Variants in RPH3A observed in about 807,000 individuals in gnomAD.
RPH3A encodes rabphilin-3A.
Under a neutral mutation model 102.2 loss-of-function variants are expected in RPH3A, and 48 were observed. The ratio of observed to expected loss-of-function variants is 0.47; its 90% CI spans 0.37 to 0.60. The LOEUF (loss-of-function observed/expected upper bound fraction) is 0.60, where lower values mean the gene tolerates loss of function less well. Ranked by LOEUF, RPH3A falls within the 20% of genes least tolerant of loss-of-function variation. The pLI, the probability that RPH3A is intolerant of heterozygous loss-of-function variation, is 0.00. For missense variants in RPH3A, 781 were observed against 910.1 expected (o/e 0.86, Z 1.83); for synonymous variants, 310 against 324.3 (o/e 0.96, Z 0.47).
At chr12:112,648,094 TGAG>T (rs1225129638) in intron 1 of RPH3A, among the ~76,000 whole-genome samples, 1 of 152,180 alleles carries the variant, frequency 6.6e-6, no homozygotes, top group African/African-American at 2.4e-5. Context: ...AAAATACAGT[TGAG>T]GAGACAGATG....
chr12:112,679,960 A>G (rs1291557906), intron 1 of RPH3A, among the ~76,000 whole-genome samples: 3 of 152,230 alleles, frequency 2.0e-5, no homozygotes, highest in African/African-American at 7.2e-5. Context: ...GCTGTCAGGG[A>G]AACCTGAGAT....
At chr12:112,602,945 C>A (rs1659191369) in intron 1 of RPH3A, among the ~76,000 whole-genome samples, 2 of 151,986 alleles carry the variant, frequency 1.3e-5, no homozygotes, top group Non-Finnish European at 1.5e-5. Context: ...GATATGGGAG[C>A]TATTGGAAAG....
At chr12:112,861,492 C>G (rs140418796) in intron 5 of RPH3A, among the ~76,000 whole-genome samples, 7 of 152,142 alleles carry the variant, frequency 4.6e-5, no homozygotes, top group African/African-American at 1.7e-4. Context: ...CTGTTCAAGG[C>G]GATCCCCGTG....
At position 112,791,872 on chromosome 12, in the gene RPH3A, G is replaced by GAGAGAGAGAGAGAGAGAC. The variant is rs1455468724; in HGVS notation, c.-263_-262insCAGAGAGAGAGAGAGAGA. On this transcript the variant is annotated 5_prime_UTR_variant, in exon 1 of 22. Coordinates refer to ENST00000389385, the MANE Select transcript of RPH3A (RefSeq NM_001143854.2). ...ACTGGAAAGGAAGGGAGAAGGGAGAGAGAGAGAGAGAGAGAGAGAGAGAGA... is the reference window on the plus strand; with the variant it reads ...ACTGGAAAGGAAGGGAGAAGGGAGAGAGAGAGAGAGAGAGAGACAGAGAGAGAGAGAGAGAGAGAGAGA... 2 of 142,894 alleles carry GAGAGAGAGAGAGAGAGAC rather than the reference G, an allele frequency of 1.4e-5. 1 individual carries two copies. Among genetic ancestry groups the GAGAGAGAGAGAGAGAGAC allele is most frequent in the East Asian group, 4.1e-4 (2 of 4,852 alleles). The allele number at this position is 142,894 out of a possible 1,614,324, so 8.9% of individuals were successfully genotyped here.
intron 1 of RPH3A, among the ~76,000 whole-genome samples, chr12:112,632,826 T>A (rs1370397365): frequency 6.6e-6 from 1 of 151,892 alleles, no homozygotes; most frequent in African/African-American, 2.4e-5. Flanking sequence ...AAGTGAGAGG[T>A]GAAGTCTGAG....
At chr12:112,657,443 A>G (rs1357514552) in intron 1 of RPH3A, among the ~76,000 whole-genome samples, 1 of 152,212 alleles carries the variant, frequency 6.6e-6, no homozygotes, top group Non-Finnish European at 1.5e-5. Flanking sequence ...GACATTTATT[A>G]TTATTATCAA....
intron 1 of RPH3A, among the ~76,000 whole-genome samples, chr12:112,747,225 T>C (rs739743): frequency 0.7 from 106,277 of 151,950 alleles, 37,334 homozygotes; most frequent in East Asian, 0.86. Flanking sequence ...GTAGTGGGAC[T>C]TTTGGGAGGT....
intron 2 of RPH3A, among the ~76,000 whole-genome samples, chr12:112,807,978 T>TA (rs2041501234): frequency 6.6e-6 from 1 of 152,208 alleles, no homozygotes; most frequent in South Asian, 2.1e-4. Flanking sequence ...GACTGTTCTA[T>TA]TTACCACTAT....
intron 1 of RPH3A, among the ~76,000 whole-genome samples, chr12:112,612,718 C>A (rs2039648452): frequency 6.6e-6 from 1 of 151,866 alleles, no homozygotes; most frequent in Non-Finnish European, 1.5e-5. Flanking sequence ...GTGTGCACTG[C>A]CATGCCCAGC....
At chr12:112,636,846 C>T (rs897969519) in intron 1 of RPH3A, among the ~76,000 whole-genome samples, 1 of 152,084 alleles carries the variant, frequency 6.6e-6, no homozygotes, top group Non-Finnish European at 1.5e-5. Context: ...CCCAAAATAC[C>T]CACTAGCTCA....
chr12:112,582,613 GC>G (rs1412625962), intron 1 of RPH3A, among the ~76,000 whole-genome samples: 2 of 130,478 alleles, frequency 1.5e-5, no homozygotes, highest in Non-Finnish European at 3.3e-5. Flanking sequence ...TGTCCAGCTA[GC>G]TTTTTTTTTT....
intron 1 of RPH3A, among the ~76,000 whole-genome samples, chr12:112,634,887 G>A (rs1437392898): frequency 6.6e-6 from 1 of 152,214 alleles, no homozygotes; most frequent in Non-Finnish European, 1.5e-5. Context: ...CAGAGCCTGG[G>A]AGGAGGTGAA....
chr12:112,752,235 G>A (rs1322750709), intron 1 of RPH3A, among the ~76,000 whole-genome samples: 4 of 152,112 alleles, frequency 2.6e-5, no homozygotes, highest in Non-Finnish European at 4.4e-5. Flanking sequence ...TTTTCTAAAT[G>A]TAAGATTCGT....
At chr12:112,672,653 T>C (rs1188825854) in intron 1 of RPH3A, among the ~76,000 whole-genome samples, 1 of 152,130 alleles carries the variant, frequency 6.6e-6, no homozygotes, top group Non-Finnish European at 1.5e-5. Context: ...TGGGCTTCAG[T>C]CTGGTCCTGG....
rs184188854 is a variant in RPH3A at position 112,862,898 on chromosome 12, C to T, written c.231-2516C>T. On this transcript the variant is annotated intron_variant, in intron 5 of 21. Coordinates refer to ENST00000389385, the MANE Select transcript of RPH3A (RefSeq NM_001143854.2). ...GCAGGGCTACCAGGGGCCCTCTGGG[C>T]GCTGTGACGCCCAAGTCCCTCCCAT... Among the ~76,000 whole-genome samples, 672 of 152,134 alleles carry T rather than the reference C, an allele frequency of 4.4e-3. 3 individuals are homozygous for T. The highest frequency in any genetic ancestry group is 0.017 in the South Asian group (84 of 4,816).
Position 112,876,740 on chromosome 12 carries a change from A to T in RPH3A, c.1045A>T (p.Met349Leu). The T allele has an allele frequency of 6.2e-7, 1 of 1,613,408 alleles. No individual in the cohort carries two copies. The change falls in exon 13 of 22, where the codon ATG becomes TTG. Residue 349 changes from methionine (M) to leucine (L), a missense_variant. By Grantham distance (15) the Met-to-Leu change is conservative. Coordinates refer to ENST00000389385, the MANE Select transcript of RPH3A (RefSeq NM_001143854.2). ...YPAVGAREDR[M>L]SHPSGPYSQA... is the part of the protein sequence containing the mutation. ...AGCAGTTGGAGCCAGAGAGGACCGAATGAGCCACCCCTCCGGACCCTATTC... is the reference window on the plus strand; with the variant it reads ...AGCAGTTGGAGCCAGAGAGGACCGATTGAGCCACCCCTCCGGACCCTATTC...
chr12:112,728,837 A>G (rs2040613628), intron 1 of RPH3A, among the ~76,000 whole-genome samples: 1 of 152,178 alleles, frequency 6.6e-6, no homozygotes, highest in Non-Finnish European at 1.5e-5. Context: ...GTTAAAATAT[A>G]CCATTTCTCT....
chr12:112,868,705 GTCAGCTTCTGCACT>G (rs1298760847), intron 8 of RPH3A, 110 bp downstream of exon 8: 2 of 1,219,480 alleles, frequency 1.6e-6, no homozygotes, highest in Non-Finnish European at 1.1e-6. Flanking sequence ...TTGTTGCATG[GTCAGCTTCTGCACT>G]TGGGTCTAGG....
At chr12:112,688,299 G>A (rs936095543) in intron 1 of RPH3A, among the ~76,000 whole-genome samples, 1 of 152,114 alleles carries the variant, frequency 6.6e-6, no homozygotes, top group African/African-American at 2.4e-5. Flanking sequence ...GTGTATAAAG[G>A]CAGGTATGCA....
Sources: allele counts gnomAD v4.1 joint callset (sites outside exome capture counted in the v4.1 genomes callset), GRCh38; gene constraint gnomAD v4.1.1; transcripts MANE v1.5; gene names NCBI Gene and HGNC (gene_info 2026-07-23, HGNC 2026-07-21).